Variants in ELOVL6 observed in about 807,000 individuals in gnomAD.
The protein encoded by ELOVL6 is ELOVL fatty acid elongase 6, also known as very long chain fatty acid elongase 6.
In ELOVL6, 8 loss-of-function variants were observed where a neutral mutation model predicts 31.7. The ratio of observed to expected loss-of-function variants is 0.25; its 90% CI spans 0.15 to 0.45. ELOVL6 has a LOEUF of 0.45. Among genes scored for constraint, ELOVL6 ranks in the 20% least tolerant of loss-of-function variants. The pLI is 1.00. For missense variants in ELOVL6, 126 were observed against 326.4 expected, an observed-to-expected ratio of 0.39 and a Z score of 4.73; for synonymous variants, 101 against 117.7, an observed-to-expected ratio of 0.86 and a Z score of 0.92.
At chr4:110,056,124 G>C (rs1048028109) in intron 3 of ELOVL6, among the ~76,000 whole-genome samples, 1 of 134,060 alleles carries the variant, frequency 7.5e-6, no homozygotes, top group Non-Finnish European at 1.5e-5. Flanking sequence ...GTGGGAGCTG[G>C]GGGGGGGGAT....
At chr4:110,094,828 T>C (rs1467643824) in intron 2 of ELOVL6, among the ~76,000 whole-genome samples, 1 of 151,808 alleles carries the variant, frequency 6.6e-6, no homozygotes, top group Admixed American at 6.6e-5. Context: ...ATGCAAGAAA[T>C]ACAGAGTGAA....
At chr4:110,078,230 TAC>T (rs1755712831) in intron 2 of ELOVL6, among the ~76,000 whole-genome samples, 1 of 152,034 alleles carries the variant, frequency 6.6e-6, no homozygotes, top group Non-Finnish European at 1.5e-5. Context: ...ATTCAGGAAA[TAC>T]AGAGAACGCC....
rs758728204 is a variant in ELOVL6, at chr4:110,048,000, T to G, written c.*3338A>C. Reference sequence around the variant, plus strand: ...CTACAAAACCCACTCATATGAAGTTTCTAACTCAGTCTAGACATATTAGTC... The same window carrying G: ...CTACAAAACCCACTCATATGAAGTTGCTAACTCAGTCTAGACATATTAGTC... On this transcript the variant is annotated 3_prime_UTR_variant, in exon 4 of 4. Transcript: ENST00000302274. The G allele has an allele frequency of 8.5e-5, 13 of 152,102 alleles. No individual in the cohort carries two copies. The highest frequency in any genetic ancestry group is 1.8e-4 in the Non-Finnish European group (12 of 68,016). The allele number at this position is 152,102 out of a possible 1,614,324, so 9.4% of individuals were successfully genotyped here.
chr4:110,096,022 C>T (rs568368458), intron 2 of ELOVL6, among the ~76,000 whole-genome samples: 1 of 152,004 alleles, frequency 6.6e-6, no homozygotes, highest in Non-Finnish European at 1.5e-5. Context: ...ATATCACAGA[C>T]AGGCAGAGCA....
Position 110,051,938 on chromosome 4 carries a change from C to T in ELOVL6, c.374-176G>A, listed in dbSNP as rs369680082. ...ACCCTGGACAAGTTAGTTATCCTCACTATTTCTAGTTTCCTCATCTATATA... is the reference window on the plus strand; with the variant it reads ...ACCCTGGACAAGTTAGTTATCCTCATTATTTCTAGTTTCCTCATCTATATA... On this transcript the variant is annotated intron_variant, in intron 3 of 3. Transcript: ENST00000302274. This position sits in a 1 kb window ranked among gnomAD's most constrained non-coding sequence, Gnocchi z 4.8. Among the ~76,000 whole-genome samples the T allele has an allele frequency of 5.9e-5, 9 of 152,316 alleles. No individual in the cohort carries two copies. In the East Asian group the frequency reaches 1.5e-3, roughly 26 times the overall value.
intron 1 of ELOVL6, 86 bp from the exon 2 acceptor site, chr4:110,105,714 C>G: frequency 1.6e-6 from 2 of 1,265,752 alleles, no homozygotes; most frequent in Non-Finnish European, 2.2e-6. Context: ...TTTGTAAGCA[C>G]TGAAAAAATA....
intron 1 of ELOVL6, among the ~76,000 whole-genome samples, chr4:110,185,844 G>T (rs1407635444): frequency 6.6e-6 from 1 of 152,128 alleles, no homozygotes; most frequent in African/African-American, 2.4e-5. Context: ...TGGACTGAAA[G>T]GGGCTTCCTG....
rs1173885699 is a variant in ELOVL6, at chr4:110,136,806, G to C, written c.90-31178C>G. On this transcript the variant is annotated intron_variant, in intron 1 of 3. Coordinates refer to ENST00000302274, the MANE Select transcript of ELOVL6 (RefSeq NM_024090.3). ...AGCATCTAATCAATAACCATACTAT[G>C]TCCACCCATATCCTATAACACAGAA... 2.0e-4 allele frequency among the ~76,000 whole-genome samples: 30 copies of C among 152,166 alleles called. 1 individual carries two copies. Among genetic ancestry groups the C allele is most frequent in the Admixed American group, 2.0e-3 (30 of 15,270 alleles).
chr4:110,150,419 C>A (rs879740243), intron 1 of ELOVL6, among the ~76,000 whole-genome samples: 2 of 152,060 alleles, frequency 1.3e-5, no homozygotes, highest in Non-Finnish European at 2.9e-5. Context: ...CTAATAAATA[C>A]CCAAACATAC....
intron 2 of ELOVL6, among the ~76,000 whole-genome samples, chr4:110,083,908 C>G (rs1447235153): frequency 2.2e-5 from 1 of 45,106 alleles, no homozygotes; most frequent in African/African-American, 7.1e-5. Context: ...TATATATACA[C>G]ATAGAGAGAG....
chr4:110,120,798 C>CTTTTTTT (rs1008949209), intron 1 of ELOVL6, among the ~76,000 whole-genome samples: 2 of 117,872 alleles, frequency 1.7e-5, no homozygotes, highest in South Asian at 2.9e-4. Flanking sequence ...TTTTTCTTTT[C>CTTTTTTT]TTTTTTTTTT....
rs1322403518 is a variant in ELOVL6, at chr4:110,050,068, G to A, written c.*1270C>T. On this transcript the variant is annotated 3_prime_UTR_variant, in exon 4 of 4. Coordinates refer to ENST00000302274, the MANE Select transcript of ELOVL6 (RefSeq NM_024090.3). ...AGGGATAAGTGTATGGGGGCCCTTT[G>A]TTGTCAACTGTTTTCAGCCAAACTT... is the stretch of plus-strand genomic sequence containing the variant. 6.6e-6 allele frequency: 1 copy of A among 152,400 alleles called. No individual in the cohort carries two copies. Among genetic ancestry groups the A allele is most frequent in the East Asian group, 1.9e-4 (1 of 5,178 alleles). The allele number at this position is 152,400 out of a possible 1,614,324, so 9.4% of individuals were successfully genotyped here.
intron 1 of ELOVL6, among the ~76,000 whole-genome samples, chr4:110,174,828 A>C (rs1707847648): frequency 6.6e-6 from 1 of 152,146 alleles, no homozygotes; most frequent in Non-Finnish European, 1.5e-5. Context: ...GATGCACCTA[A>C]AACCATCCCA....
chr4:110,084,183 T>TAACATATAACTTATATGATATATAC (rs1756065539), intron 2 of ELOVL6, among the ~76,000 whole-genome samples: 2 of 64,754 alleles, frequency 3.1e-5, no homozygotes, highest in African/African-American at 1.9e-4. Flanking sequence ...ATGATATATA[T>TAACATATAACTTATATGATATATAC]AACATATAAC....
At chr4:110,052,281 A>C (rs181954466) in intron 3 of ELOVL6, among the ~76,000 whole-genome samples, 237 of 152,264 alleles carry the variant, frequency 1.6e-3, no homozygotes, top group African/African-American at 5.4e-3. Flanking sequence ...TAAAACCATA[A>C]TTTTTCTTTG....
intron 2 of ELOVL6, among the ~76,000 whole-genome samples, chr4:110,098,070 C>T (rs58561519): frequency 0.14 from 21,514 of 152,088 alleles, 1,650 homozygotes; most frequent in African/African-American, 0.19. Flanking sequence ...TGACCTGCAT[C>T]GTATCTGTCT....
rs868251375 is a variant in ELOVL6 at position 110,171,157 on chromosome 4, T to C, written c.89+27090A>G. Among the ~76,000 whole-genome samples the C allele has an allele frequency of 2.0e-5, 3 of 152,236 alleles. No individual in the cohort carries two copies. In the South Asian group the frequency reaches 6.2e-4, roughly 32 times the overall value. ...GCGCTGTGGCTCATGCCTGTAATCC[T>C]AGCACTTTGGGAGGCCAAGGCAGGC... On this transcript the variant is annotated intron_variant, in intron 1 of 3. Transcript: ENST00000302274.
chr4:110,073,761 C>T (rs1295374112), intron 2 of ELOVL6, among the ~76,000 whole-genome samples: 1 of 152,136 alleles, frequency 6.6e-6, no homozygotes, highest in African/African-American at 2.4e-5. Context: ...TTAGGGCTTT[C>T]CTGTCTTCTG....
At chr4:110,182,172 T>C (rs1442156500) in intron 1 of ELOVL6, among the ~76,000 whole-genome samples, 1 of 152,218 alleles carries the variant, frequency 6.6e-6, no homozygotes, top group African/African-American at 2.4e-5. Flanking sequence ...TGGGCCCACA[T>C]GTAAAAGTTG....
Sources: gnomAD v4.1 joint callset for allele counts (sites outside exome capture counted in the v4.1 genomes callset) on GRCh38, gnomAD v4.1.1 for gene constraint, Gnocchi (gnomAD v3.1) non-coding constraint, MANE v1.5 for transcripts, NCBI Gene and HGNC (gene_info 2026-07-23, HGNC 2026-07-21) for gene names.